MED27: variants seen among roughly 807,000 people sequenced by gnomAD.
The protein encoded by MED27 is mediator of RNA polymerase II transcription subunit 27.
MED27 carries 30 observed loss-of-function variants against 38.2 expected under a neutral mutation model. The ratio of observed to expected loss-of-function variants is 0.79; its 90% confidence interval spans 0.59 to 1.07. The LOEUF (loss-of-function observed/expected upper bound fraction) is 1.07, where lower values mean the gene tolerates loss of function less well. Among genes scored for constraint, MED27 ranks in the 50% least tolerant of loss-of-function variants. The pLI, the probability that MED27 is intolerant of heterozygous loss-of-function variation, is 0.00. For missense variants in MED27, 289 were observed against 397.5 expected, an observed-to-expected ratio of 0.73 and a Z score of 2.32; for synonymous variants, 122 against 153.5, an observed-to-expected ratio of 0.79 and a Z score of 1.52.
chr9:132,049,799 A>G (rs1272124607), intron 2 of MED27, among the ~76,000 whole-genome samples: 2 of 152,118 alleles, frequency 1.3e-5, no homozygotes, highest in Non-Finnish European at 2.9e-5. Context: ...CACCCTAACC[A>G]CACATTCAGC....
At position 132,073,768 on chromosome 9, in the gene MED27, G is replaced by GAAA. The variant is rs200460682; in HGVS notation, c.348+3671_348+3673dup. On this transcript the variant is annotated intron_variant, in intron 2 of 7. Transcript: ENST00000292035. Reference sequence around the variant, plus strand: ...CTGTAATAAAAAAAAAATCAAACGTGAAAAAAAAAAAAGGTAGCAGCAGCA... The same window carrying GAAA: ...CTGTAATAAAAAAAAAATCAAACGTGAAAAAAAAAAAAAAAGGTAGCAGCAGCA... 3 of 1,173,574 alleles carry GAAA rather than the reference G, an allele frequency of 2.6e-6. No homozygotes were observed. The South Asian group carries it at 4.7e-5, about 18-fold the overall frequency. 72.7% of individuals were successfully genotyped at this position (1,173,574 alleles called of 1,614,324 possible). A position where few individuals can be genotyped will look rare whatever the true frequency, so the allele number is the denominator to read the frequency against.
At chr9:131,936,147 AAAAGAAAG>A (rs1216976803) in intron 4 of MED27, among the ~76,000 whole-genome samples, 23 of 150,564 alleles carry the variant, frequency 1.5e-4, no homozygotes, top group African/African-American at 4.7e-4. Flanking sequence ...AAAAAAAAAA[AAAAGAAAG>A]AAAGAAAGAA....
At chr9:132,036,121 G>A (rs184037168) in intron 2 of MED27, among the ~76,000 whole-genome samples, 10 of 152,232 alleles carry the variant, frequency 6.6e-5, no homozygotes, top group African/African-American at 1.9e-4. Context: ...CCTGGCTAAC[G>A]TTTATTAAGT....
intron 3 of MED27, among the ~76,000 whole-genome samples, chr9:131,949,748 G>A (rs1238973130): frequency 1.3e-5 from 2 of 152,184 alleles, no homozygotes; most frequent in Non-Finnish European, 2.9e-5. Context: ...CAGGGATGCA[G>A]TGATGACTAA....
chr9:131,898,057 T>A (rs890844728), intron 4 of MED27, among the ~76,000 whole-genome samples: 8 of 152,070 alleles, frequency 5.3e-5, no homozygotes, highest in African/African-American at 1.7e-4. Context: ...TGCTCCTTCC[T>A]CTGTATTACC....
intron 2 of MED27, among the ~76,000 whole-genome samples, chr9:132,038,646 T>C (rs1589281709): frequency 6.6e-6 from 1 of 152,194 alleles, no homozygotes; most frequent in Admixed American, 6.5e-5. Context: ...TGGGCTGCAA[T>C]GTTAAATGTG....
intron 3 of MED27, among the ~76,000 whole-genome samples, chr9:131,979,153 A>G (rs751420131): frequency 2.0e-5 from 3 of 152,056 alleles, no homozygotes; most frequent in Middle Eastern, 3.2e-3. Context: ...CCTCTCACCC[A>G]TGCCTTGGGC....
chr9:132,016,055 G>A (rs979169435), intron 2 of MED27, among the ~76,000 whole-genome samples: 4 of 152,026 alleles, frequency 2.6e-5, no homozygotes, highest in African/African-American at 2.4e-5. Context: ...TTTCTTTGCC[G>A]AGTCAGCTGC....
intron 3 of MED27, among the ~76,000 whole-genome samples, chr9:131,989,722 A>T (rs1481576867): frequency 6.6e-6 from 1 of 152,082 alleles, no homozygotes; most frequent in African/African-American, 2.4e-5. Flanking sequence ...AGCCAGCTCC[A>T]GCAATTATCC....
chr9:131,924,034 G>T (rs1785107219), intron 4 of MED27, among the ~76,000 whole-genome samples: 1 of 152,152 alleles, frequency 6.6e-6, no homozygotes, highest in Admixed American at 6.5e-5. Context: ...CCTCTGCACA[G>T]GCATTTCGGC....
chr9:131,915,006 A>G (rs1173299054), intron 4 of MED27, among the ~76,000 whole-genome samples: 1 of 152,226 alleles, frequency 6.6e-6, no homozygotes, highest in Non-Finnish European at 1.5e-5. Flanking sequence ...CGACATGAAC[A>G]GGCAGATTAA....
chr9:132,067,277 A>T (rs1833829456), intron 2 of MED27, among the ~76,000 whole-genome samples: 1 of 152,224 alleles, frequency 6.6e-6, no homozygotes, highest in Admixed American at 6.5e-5. Context: ...AACTGGCCCA[A>T]AGTCTCAGGG....
chr9:131,951,890 T>A (rs970660400), intron 3 of MED27, among the ~76,000 whole-genome samples: 1 of 152,246 alleles, frequency 6.6e-6, no homozygotes, highest in East Asian at 1.9e-4. Flanking sequence ...TTCATTTTAC[T>A]ACATCAATGC....
chr9:132,042,504 C>T (rs1833240759), intron 2 of MED27, among the ~76,000 whole-genome samples: 1 of 152,170 alleles, frequency 6.6e-6, no homozygotes, highest in African/African-American at 2.4e-5. Flanking sequence ...TGCCCAGGGA[C>T]CTCTGGGACT....
intron 4 of MED27, among the ~76,000 whole-genome samples, chr9:131,897,534 G>C (rs1387158466): frequency 6.6e-6 from 1 of 152,140 alleles, no homozygotes; most frequent in Non-Finnish European, 1.5e-5. Context: ...TCATGGTTCT[G>C]CTTATGTGCT....
intron 5 of MED27, among the ~76,000 whole-genome samples, chr9:131,891,459 AAAG>A (rs1193011866): frequency 1.3e-5 from 2 of 152,224 alleles, no homozygotes; most frequent in Admixed American, 6.5e-5. Flanking sequence ...AAGAAGATAA[AAAG>A]AATTTGGTGG....
At chr9:132,065,412 G>A (rs572782347) in intron 2 of MED27, among the ~76,000 whole-genome samples, 12 of 152,076 alleles carry the variant, frequency 7.9e-5, no homozygotes, top group Admixed American at 7.2e-4. Context: ...GAACCCAATG[G>A]GTGACCAAGT....
At position 131,958,390 on chromosome 9, in the gene MED27, C is replaced by T. The variant is rs192741743; in HGVS notation, c.480-18916G>A. Among the ~76,000 whole-genome samples the T allele has an allele frequency of 5.4e-3, 824 of 152,118 alleles. 15 individuals carry two copies. Among genetic ancestry groups the T allele is most frequent in the African/African-American group, 0.018 (750 of 41,506 alleles). On this transcript the variant is annotated intron_variant, in intron 3 of 7. Coordinates refer to ENST00000292035, the MANE Select transcript of MED27 (RefSeq NM_004269.4). ...CCTCTTGAGTAGCTGGGATTACAGGCGTGCGCCACCGTGCCTGGCTAATTT... is the reference window on the plus strand; with the variant it reads ...CCTCTTGAGTAGCTGGGATTACAGGTGTGCGCCACCGTGCCTGGCTAATTT...
At chr9:131,984,873 T>C (rs1831815143) in intron 3 of MED27, among the ~76,000 whole-genome samples, 1 of 152,176 alleles carries the variant, frequency 6.6e-6, no homozygotes, top group Non-Finnish European at 1.5e-5. Flanking sequence ...AAGCTTCTCT[T>C]TGCAGCCATT....
Sources: allele counts gnomAD v4.1 joint callset (sites outside exome capture counted in the v4.1 genomes callset), GRCh38; gene constraint gnomAD v4.1.1; transcripts MANE v1.5; gene names NCBI Gene and HGNC (gene_info 2026-07-23, HGNC 2026-07-21).